SLC24A2: variants seen among roughly 807,000 people sequenced by gnomAD.
SLC24A2 encodes the protein solute carrier family 24 member 2.
Under a neutral mutation model 62.0 loss-of-function variants are expected in SLC24A2, and 36 were observed. The observed-to-expected ratio is 0.58, with a 90% confidence interval of 0.44 to 0.77. The LOEUF (loss-of-function observed/expected upper bound fraction) is 0.77, where lower values mean the gene tolerates loss of function less well. SLC24A2 is among the 30% of genes least tolerant of loss of function. The pLI is 0.00. For missense variants in SLC24A2, 846 were observed against 817.9 expected (o/e 1.03, Z -0.42); for synonymous variants, 358 against 294.0 (o/e 1.22, Z -2.23).
At chr9:19,959,408 C>T in the SLC24A2 span, among the ~76,000 whole-genome samples, 3 of 152,126 alleles carry the variant, frequency 2.0e-5, no homozygotes, top group African/African-American at 2.4e-5. Context: ...AAGAGTCAAG[C>T]GATGATCACT....
At chr9:19,864,845 A>G in the SLC24A2 span, among the ~76,000 whole-genome samples, 2 of 152,114 alleles carry the variant, frequency 1.3e-5, no homozygotes, top group African/African-American at 2.4e-5. Context: ...TAGAGTGATC[A>G]GATAAGAGAA....
chr9:19,760,135 A>C (rs746199444), intron 2 of SLC24A2, among the ~76,000 whole-genome samples: 1 of 152,092 alleles, frequency 6.6e-6, no homozygotes, highest in Non-Finnish European at 1.5e-5. Context: ...CAGCTTCTCC[A>C]AGTCCCACCA....
the SLC24A2 span, among the ~76,000 whole-genome samples, chr9:20,127,594 TTAATGTGCAGGTA>T: frequency 5.2e-4 from 79 of 152,230 alleles, no homozygotes; most frequent in African/African-American, 1.8e-3. Context: ...TGTAAAACAT[TTAATGTGCAGGTA>T]TATTGCAGAG....
At chr9:19,796,650 T>C in the SLC24A2 span, among the ~76,000 whole-genome samples, 2 of 152,392 alleles carry the variant, frequency 1.3e-5, no homozygotes, top group South Asian at 4.1e-4. Flanking sequence ...AAATCTAGGT[T>C]AGAAATCATC....
the SLC24A2 span, among the ~76,000 whole-genome samples, chr9:19,886,133 C>A: frequency 6.6e-6 from 1 of 152,114 alleles, no homozygotes; most frequent in Non-Finnish European, 1.5e-5. Context: ...ATTGCTGGGT[C>A]GAATGGCAAT....
the SLC24A2 span, chr9:19,957,660 A>G: frequency 1.3e-5 from 2 of 152,396 alleles, no homozygotes; most frequent in African/African-American, 4.8e-5. Context: ...GTCTGTCTTT[A>G]TCCCCATTTC....
chr9:19,699,889 T>C (rs1241687852), intron 2 of SLC24A2, among the ~76,000 whole-genome samples: 2 of 152,154 alleles, frequency 1.3e-5, no homozygotes, highest in Non-Finnish European at 2.9e-5. Flanking sequence ...AGGACACCAA[T>C]GACTCAGCCC....
chr9:19,554,893 T>G (rs7029660), intron 7 of SLC24A2, among the ~76,000 whole-genome samples: 8,759 of 152,238 alleles, frequency 0.058, 831 homozygotes, highest in African/African-American at 0.2. Context: ...CTGATGGCAA[T>G]GCTTCCGGGA....
intron 2 of SLC24A2, among the ~76,000 whole-genome samples, chr9:19,654,510 T>C (rs947485659): frequency 1.3e-5 from 2 of 152,184 alleles, no homozygotes; most frequent in African/African-American, 4.8e-5. Flanking sequence ...CTGGAGGTTC[T>C]CCTCCATCTT....
At chr9:19,875,793 G>A in the SLC24A2 span, among the ~76,000 whole-genome samples, 1 of 152,290 alleles carries the variant, frequency 6.6e-6, no homozygotes, top group Middle Eastern at 3.4e-3. Flanking sequence ...CTTAAAATAT[G>A]AGAAGAATCT....
chr9:20,027,510 G>C, the SLC24A2 span, among the ~76,000 whole-genome samples: 16 of 152,262 alleles, frequency 1.1e-4, no homozygotes, highest in East Asian at 2.1e-3. Context: ...CAATATTGAT[G>C]AACGTAGAGG....
At chr9:20,166,713 A>G in the SLC24A2 span, among the ~76,000 whole-genome samples, 1 of 151,998 alleles carries the variant, frequency 6.6e-6, no homozygotes, top group African/African-American at 2.4e-5. Context: ...GAGGGAGGAT[A>G]CTTCTCTGGA....
At chr9:20,051,436 G>A in the SLC24A2 span, among the ~76,000 whole-genome samples, 5 of 151,956 alleles carry the variant, frequency 3.3e-5, no homozygotes, top group East Asian at 3.9e-4. Flanking sequence ...TGATAGAACA[G>A]ACAAAAATAT....
At chr9:20,064,052 C>T in the SLC24A2 span, among the ~76,000 whole-genome samples, 2 of 152,070 alleles carry the variant, frequency 1.3e-5, no homozygotes, top group South Asian at 2.1e-4. Context: ...ACCATAATAG[C>T]CCCAAACTAG....
intron 4 of SLC24A2, among the ~76,000 whole-genome samples, chr9:19,614,278 A>C (rs554561447): frequency 6.6e-6 from 1 of 152,328 alleles, no homozygotes; most frequent in South Asian, 2.1e-4. Flanking sequence ...GAAAGAAAAT[A>C]TTTATTCCAA....
intron 7 of SLC24A2, among the ~76,000 whole-genome samples, chr9:19,571,177 G>A (rs58292775): frequency 0.041 from 6,225 of 152,168 alleles, 384 homozygotes; most frequent in African/African-American, 0.14. Context: ...GCTGCCACAC[G>A]CTGCTTATCC....
chr9:20,208,771 A>G, the SLC24A2 span, among the ~76,000 whole-genome samples: 37 of 152,322 alleles, frequency 2.4e-4, no homozygotes, highest in South Asian at 2.1e-4. Flanking sequence ...GAGAGTCATG[A>G]CCGTGTTACG....
chr9:19,634,628 G>C (rs929456146), intron 2 of SLC24A2, among the ~76,000 whole-genome samples: 10 of 152,090 alleles, frequency 6.6e-5, no homozygotes, highest in Non-Finnish European at 1.0e-4. Context: ...CCTGCTCTAA[G>C]GCATATCTCT....
At chr9:20,301,010 A>G in the SLC24A2 span, among the ~76,000 whole-genome samples, 1 of 152,210 alleles carries the variant, frequency 6.6e-6, no homozygotes, top group African/African-American at 2.4e-5. Flanking sequence ...GAGTCCCAGG[A>G]AAACCACAAG....
Sources: gnomAD v4.1 joint callset for allele counts (sites outside exome capture counted in the v4.1 genomes callset) on GRCh38, gnomAD v4.1.1 for gene constraint, MANE v1.5 for transcripts, NCBI Gene and HGNC (gene_info 2026-07-23, HGNC 2026-07-21) for gene names.